The following IGHMBP2 variants were observed in gnomAD, a reference collection of about 807,000 sequenced individuals.
The protein encoded by IGHMBP2 is immunoglobulin mu DNA binding protein 2, also known as DNA-binding protein SMUBP-2.
A neutral mutation model predicts 96.0 loss-of-function variants in IGHMBP2; 81 were observed. The ratio of observed to expected loss-of-function variants is 0.84; its 90% CI spans 0.71 to 1.01. The LOEUF (loss-of-function observed/expected upper bound fraction) is 1.01, where lower values mean the gene tolerates loss of function less well. Ranked by LOEUF, IGHMBP2 falls within the 50% of genes least tolerant of loss-of-function variation. IGHMBP2 has a pLI of 0.00. For synonymous variants in IGHMBP2, 557 were observed against 548.9 expected, an observed-to-expected ratio of 1.01 and a Z score of -0.21; for missense variants, 1,227 against 1,306.3, an observed-to-expected ratio of 0.94 and a Z score of 0.94.
intron 2 of IGHMBP2, among the ~76,000 whole-genome samples, chr11:68,907,521 A>G (rs1858248902): frequency 6.6e-6 from 1 of 152,176 alleles, no homozygotes; most frequent in Admixed American, 6.5e-5. Context: ...CAGCGTTGCC[A>G]GGGCTGTACT....
At chr11:68,925,990 G>A (rs2154008045) in intron 7 of IGHMBP2, among the ~76,000 whole-genome samples, 1 of 147,964 alleles carries the variant, frequency 6.8e-6, no homozygotes, top group Admixed American at 7.2e-5. Flanking sequence ...ATCAAATTTG[G>A]GGAGTTTTCA....
Position 68,930,236 on chromosome 11 carries a change from G to A in IGHMBP2, c.1235+879G>A. The A allele has an allele frequency of 3.9e-6, 5 of 1,266,150 alleles. No homozygotes were observed. In the Admixed American group the frequency reaches 7.1e-5, roughly 18 times the overall value. 78.4% of individuals were successfully genotyped at this position (1,266,150 alleles called of 1,614,324 possible). On this transcript the variant is annotated intron_variant, in intron 8 of 14. Transcript: ENST00000255078. ...AACACTTCTGAGACTCCTGCATCCT[G>A]GCCCTCACTTCCACCGGGGGAAGAT...
chr11:68,933,628 C>A, intron 9 of IGHMBP2, 147 bp downstream of exon 9: 1 of 1,133,014 alleles, frequency 8.8e-7, no homozygotes, highest in Non-Finnish European at 1.3e-6. Flanking sequence ...GGTGGCCTTG[C>A]CCTGGAGAGC....
chr11:68,922,467 C>T (rs917485250), intron 7 of IGHMBP2, among the ~76,000 whole-genome samples: 1 of 151,994 alleles, frequency 6.6e-6, no homozygotes, highest in African/African-American at 2.4e-5. Context: ...GCAATCTTGG[C>T]TCACTGCAAC....
intron 7 of IGHMBP2, among the ~76,000 whole-genome samples, chr11:68,928,924 C>T (rs1333233457): frequency 2.0e-5 from 3 of 152,316 alleles, no homozygotes; most frequent in South Asian, 4.1e-4. Context: ...GTCACAGCCC[C>T]GAAGGGGTGA....
chr11:68,919,003 A>G (rs966805320), intron 7 of IGHMBP2, among the ~76,000 whole-genome samples: 1 of 152,162 alleles, frequency 6.6e-6, no homozygotes, highest in Non-Finnish European at 1.5e-5. Flanking sequence ...ATTTAGCTCC[A>G]TAAATGTCTC....
At chr11:68,934,049 A>G in intron 10 of IGHMBP2, 136 bp downstream of exon 10, 3 of 729,378 alleles carry the variant, frequency 4.1e-6, no homozygotes, top group Non-Finnish European at 7.4e-6. Context: ...ACGGAGCCCC[A>G]CACTGCAAGA....
chr11:68,939,736 C>T lies in IGHMBP2; in HGVS notation c.*5C>T. 1.2e-6 allele frequency: 2 copies of T among 1,605,074 alleles called. No homozygotes were observed. Among genetic ancestry groups the T allele is most frequent in the Non-Finnish European group, 1.7e-6 (2 of 1,176,804 alleles). ...AGGAAGGAGAGGGGGACGTGACCGG[C>T]CGCATCCTTGCACGCCCCGCGGAGC... On this transcript the variant is annotated 3_prime_UTR_variant, in exon 15 of 15. Transcript: ENST00000255078.
chr11:68,908,263 G>C lies in IGHMBP2; in HGVS notation c.375G>C (p.Gln125His), dbSNP rs1024451110. 3.1e-6 allele frequency: 5 copies of C among 1,614,184 alleles called. No homozygotes were observed. In the East Asian group the frequency reaches 6.7e-5, roughly 22 times the overall value. Residue 125 changes from glutamine (Q) to histidine (H), a missense_variant, in exon 3 of 15, where the codon CAG becomes CAC. Transcript: ENST00000255078. ...CCTTTGATGAGTCCCACGATTTCCAGTTGAGCTTGGACCGAGAGAATTCCT... is the reference window on the plus strand; with the variant it reads ...CCTTTGATGAGTCCCACGATTTCCACTTGAGCTTGGACCGAGAGAATTCCT... Reference protein sequence around the residue: ...TVAFDESHDFQLSLDRENSYR... With the variant: ...TVAFDESHDFHLSLDRENSYR...
chr11:68,921,518 A>G (rs1007696044), intron 7 of IGHMBP2, among the ~76,000 whole-genome samples: 1 of 152,222 alleles, frequency 6.6e-6, no homozygotes, highest in Non-Finnish European at 1.5e-5. Context: ...CACCTCACAT[A>G]TAGCATAAGG....
chr11:68,915,489 GT>G (rs896017029), intron 6 of IGHMBP2, among the ~76,000 whole-genome samples: 38 of 142,536 alleles, frequency 2.7e-4, no homozygotes, highest in South Asian at 4.5e-4. Flanking sequence ...CTTTGTTTTT[GT>G]TTTTTTTTTT....
chr11:68,935,329 A>G lies in IGHMBP2; in HGVS notation c.1663A>G (p.Arg555Gly). 6.2e-7 allele frequency: 1 copy of G among 1,614,144 alleles called. No individual in the cohort carries two copies. Among genetic ancestry groups the G allele is most frequent in the Non-Finnish European group, 8.5e-7 (1 of 1,180,026 alleles). ...CCTGCTCAGACAGAGCCTTGTGCAC[A>G]GGCACCCTGAGCTTGAAATCAAGTC... Reference protein sequence around the residue: ...VDLLRQSLVHRHPELEIKSVD... With the variant: ...VDLLRQSLVHGHPELEIKSVD... Residue 555 changes from arginine to glycine, a missense_variant, in exon 12 of 15, where the codon AGG becomes GGG. Around this residue, in one of 3 missense-constraint regions of IGHMBP2, gnomAD observed 703 missense variants for 770.3 expected, o/e 0.91. Coordinates refer to ENST00000255078, the MANE Select transcript of IGHMBP2 (RefSeq NM_002180.3).
chr11:68,911,723 G>A, intron 5 of IGHMBP2, 120 bp downstream of exon 5: 1 of 943,980 alleles, frequency 1.1e-6, no homozygotes, highest in Non-Finnish European at 1.7e-6. Context: ...ACATTACTGA[G>A]CATTTATTGA....
intron 7 of IGHMBP2, among the ~76,000 whole-genome samples, chr11:68,922,230 C>T (rs1017080559): frequency 4.6e-5 from 7 of 151,784 alleles, no homozygotes; most frequent in Admixed American, 2.0e-4. Flanking sequence ...AGGCAGGAGA[C>T]TCGCTTGAAC....
rs141451851 is a variant in IGHMBP2, at chr11:68,908,213, G to C, written c.325G>C (p.Val109Leu). The C allele has an allele frequency of 7.4e-6, 12 of 1,613,952 alleles. No individual in the cohort carries two copies. Among genetic ancestry groups the C allele is most frequent in the Non-Finnish European group, 1.0e-5 (12 of 1,180,024 alleles). ...GCTGGCCACTGGGATCTTGACCCGG[G>C]TCACCCAGAAGTCGGTCACGGTGGC... Reference protein sequence around the residue: ...SQLATGILTRVTQKSVTVAFD... With the variant: ...SQLATGILTRLTQKSVTVAFD... Residue 109 changes from valine (V) to leucine (L), a missense_variant, in exon 3 of 15, where the codon GTC becomes CTC. Transcript: ENST00000255078.
intron 13 of IGHMBP2, among the ~76,000 whole-genome samples, chr11:68,937,465 C>A (rs1413315973): frequency 6.6e-6 from 1 of 152,242 alleles, no homozygotes; most frequent in East Asian, 1.9e-4. Context: ...AGGTCTTGCA[C>A]AGCGAAAGGG....
At chr11:68,917,631 G>A (rs79778807) in intron 6 of IGHMBP2, 105 bp from the exon 7 acceptor site, 8 of 924,746 alleles carry the variant, frequency 8.7e-6, no homozygotes, top group African/African-American at 1.6e-5. Context: ...TGTTTTTTAC[G>A]GAGTTTATTG....
At chr11:68,935,521 G>C in intron 12 of IGHMBP2, 99 bp downstream of exon 12, 2 of 1,415,136 alleles carry the variant, frequency 1.4e-6, no homozygotes, top group Non-Finnish European at 2.0e-6. Context: ...ACTGGTTTCT[G>C]GCAGTGTGCT....
chr11:68,938,399 G>C (rs1178177006), intron 14 of IGHMBP2, 45 bp downstream of exon 14: 1 of 1,541,670 alleles, frequency 6.5e-7, no homozygotes, highest in African/African-American at 1.4e-5. Context: ...GGGAGGGGTG[G>C]TGGGTTCCGT....
Sources: allele counts gnomAD v4.1 joint callset (sites outside exome capture counted in the v4.1 genomes callset), GRCh38; gene constraint gnomAD v4.1.1; regional missense constraint gnomAD v4.1.1; transcripts MANE v1.5; gene names NCBI Gene and HGNC (gene_info 2026-07-23, HGNC 2026-07-21).